Variants in PRIMA1 observed in about 807,000 individuals in gnomAD.
The protein encoded by PRIMA1 is proline-rich membrane anchor 1.
PRIMA1 carries 7 observed loss-of-function variants against 17.5 expected under a neutral mutation model. The observed-to-expected ratio is 0.40, with a 90% CI of 0.23 to 0.75. The LOEUF (loss-of-function observed/expected upper bound fraction) is 0.75. Ranked by LOEUF, PRIMA1 falls within the 30% of genes least tolerant of loss-of-function variation. The pLI, the probability that PRIMA1 is intolerant of heterozygous loss-of-function variation, is 0.37. For synonymous variants in PRIMA1, 97 were observed against 77.9 expected (o/e 1.25, Z -1.29); for missense variants, 200 against 201.8 (o/e 0.99, Z 0.05).
chr14:93,737,841 C>G (rs74076321), intron 3 of PRIMA1, among the ~76,000 whole-genome samples: 1 of 152,262 alleles, frequency 6.6e-6, no homozygotes, highest in African/African-American at 2.4e-5. Context: ...ATCCATCCTC[C>G]CTCGGCATGA....
chr14:93,748,506 T>C (rs1192189431), intron 3 of PRIMA1, among the ~76,000 whole-genome samples: 1 of 152,096 alleles, frequency 6.6e-6, no homozygotes, highest in Non-Finnish European at 1.5e-5. Flanking sequence ...CCCGACAGGG[T>C]GCAGGAGCAG....
chr14:93,741,016 T>G (rs1377612016), intron 3 of PRIMA1, among the ~76,000 whole-genome samples: 10 of 152,216 alleles, frequency 6.6e-5, no homozygotes, highest in Non-Finnish European at 1.5e-5. Flanking sequence ...CACAGTATCC[T>G]GCACAGGGTC....
At chr14:93,738,245 G>C (rs1020951927) in intron 3 of PRIMA1, among the ~76,000 whole-genome samples, 5 of 152,148 alleles carry the variant, frequency 3.3e-5, no homozygotes, top group African/African-American at 1.2e-4. Flanking sequence ...GGCTGTCTTG[G>C]GGTGGACCTG....
In PRIMA1 at chr14:93,787,476, T is replaced by C. The variant is rs1595231671; in HGVS notation, c.93+150A>G. ...TTCTTATCTTTTCAGGGGTAGGGTA[T>C]AGGGGACCGTAGCAGCTTTTCTTTT... On this transcript the variant is annotated intron_variant, in intron 2 of 4. Transcript: ENST00000393140. The C allele has an allele frequency of 2.5e-5, 28 of 1,105,434 alleles. No homozygotes were observed. The East Asian group carries it at 6.7e-4, about 27-fold the overall frequency. The allele number at this position is 1,105,434 out of a possible 1,614,324, so 68.5% of individuals were successfully genotyped here.
chr14:93,766,414 T>C (rs965205517), intron 3 of PRIMA1, among the ~76,000 whole-genome samples: 1 of 152,108 alleles, frequency 6.6e-6, no homozygotes, highest in East Asian at 1.9e-4. Flanking sequence ...AGATGGATGA[T>C]TGGATGACAA....
intron 2 of PRIMA1, among the ~76,000 whole-genome samples, chr14:93,779,941 C>T (rs963762034): frequency 3.3e-5 from 5 of 152,220 alleles, no homozygotes; most frequent in African/African-American, 9.6e-5. Context: ...GGGAAGGGCA[C>T]CCCTCCAAAC....
chr14:93,721,890 C>T (rs1206654788), intron 4 of PRIMA1, among the ~76,000 whole-genome samples: 1 of 152,234 alleles, frequency 6.6e-6, no homozygotes, highest in African/African-American at 2.4e-5. Context: ...CAGGCCTTGA[C>T]TGATCTCTTC....
intron 3 of PRIMA1, among the ~76,000 whole-genome samples, chr14:93,761,486 T>A (rs1344755698): frequency 1.3e-5 from 2 of 152,198 alleles, no homozygotes; most frequent in Non-Finnish European, 2.9e-5. Flanking sequence ...CTGTGTGACC[T>A]TCTCTGGGTT....
At chr14:93,751,942 T>G (rs907370258) in intron 3 of PRIMA1, among the ~76,000 whole-genome samples, 11 of 152,220 alleles carry the variant, frequency 7.2e-5, no homozygotes, top group Non-Finnish European at 1.2e-4. Flanking sequence ...TCTGTTGCAC[T>G]GGCCATATTT....
At chr14:93,729,509 GC>G (rs1032081975) in intron 4 of PRIMA1, among the ~76,000 whole-genome samples, 1 of 152,252 alleles carries the variant, frequency 6.6e-6, no homozygotes, top group Admixed American at 6.5e-5. Context: ...TGAATTTCTT[GC>G]TCCTGGAAGT....
At chr14:93,749,275 A>G (rs1049951180) in intron 3 of PRIMA1, among the ~76,000 whole-genome samples, 5 of 152,182 alleles carry the variant, frequency 3.3e-5, no homozygotes, top group African/African-American at 7.2e-5. Flanking sequence ...AGGGGGCCAC[A>G]TGCAGAACTG....
intron 3 of PRIMA1, among the ~76,000 whole-genome samples, chr14:93,771,335 A>G (rs188141908): frequency 1.1e-4 from 16 of 152,350 alleles, no homozygotes; most frequent in African/African-American, 3.4e-4. Context: ...GACTTCTTCA[A>G]CTGCAACATC....
At chr14:93,721,681 C>T (rs2141147223) in intron 4 of PRIMA1, 135 bp from the exon 5 acceptor site, 1 of 644,442 alleles carries the variant, frequency 1.6e-6, no homozygotes, top group South Asian at 1.8e-5. Flanking sequence ...GCCAATGGCT[C>T]TGTCCTCGGT....
intron 3 of PRIMA1, among the ~76,000 whole-genome samples, chr14:93,775,264 C>T (rs2035036013): frequency 6.6e-6 from 1 of 152,238 alleles, no homozygotes; most frequent in African/African-American, 2.4e-5. Flanking sequence ...CAGTGAACAC[C>T]TTCTGCAAAT....
At chr14:93,748,034 G>T (rs1382937518) in intron 3 of PRIMA1, among the ~76,000 whole-genome samples, 1 of 46,628 alleles carries the variant, frequency 2.1e-5, no homozygotes, top group Non-Finnish European at 5.9e-5. Context: ...GGGACTGTGT[G>T]TGGGAGTGTG....
chr14:93,779,479 T>G (rs946894356), intron 2 of PRIMA1, among the ~76,000 whole-genome samples, 168 bp from the exon 3 acceptor site: 4 of 152,026 alleles, frequency 2.6e-5, no homozygotes, highest in African/African-American at 9.7e-5. Context: ...AAGGGGACAA[T>G]GTTGTTGGCG....
At chr14:93,770,629 T>TG (rs1885032112) in intron 3 of PRIMA1, among the ~76,000 whole-genome samples, 1 of 152,132 alleles carries the variant, frequency 6.6e-6, no homozygotes, top group African/African-American at 2.4e-5. Context: ...TATCAAATCG[T>TG]ATGATTTTCT....
At chr14:93,768,150 C>T (rs191162949) in intron 3 of PRIMA1, among the ~76,000 whole-genome samples, 6 of 152,210 alleles carry the variant, frequency 3.9e-5, no homozygotes, top group Non-Finnish European at 7.4e-5. Context: ...GGCCTGGATG[C>T]GGCCTCTTGA....
chr14:93,771,222 C>T (rs1462408999), intron 3 of PRIMA1, among the ~76,000 whole-genome samples: 1 of 48,034 alleles, frequency 2.1e-5, no homozygotes, highest in Non-Finnish European at 5.6e-5. Context: ...TCCTCTGACA[C>T]TGCTCCATCA....
Sources: allele counts gnomAD v4.1 joint callset (sites outside exome capture counted in the v4.1 genomes callset), GRCh38; gene constraint gnomAD v4.1.1; transcripts MANE v1.5; gene names NCBI Gene and HGNC (gene_info 2026-07-23, HGNC 2026-07-21).